ABCD2: variants seen among roughly 807,000 people sequenced by gnomAD.
ABCD2 encodes ATP binding cassette subfamily D member 2, also known as ATP-binding cassette sub-family D member 2.
In ABCD2, 36 loss-of-function variants were observed where a neutral mutation model predicts 70.9. That is an observed-to-expected ratio of 0.51 (90% confidence interval 0.39 to 0.67). The LOEUF (loss-of-function observed/expected upper bound fraction) is 0.67. Among genes scored for constraint, ABCD2 ranks in the 30% least tolerant of loss-of-function variants. ABCD2 has a pLI of 0.00. For synonymous variants in ABCD2, 304 were observed against 306.9 expected (o/e 0.99, Z 0.10); for missense variants, 729 against 890.2 (o/e 0.82, Z 2.30).
At chr12:39,579,867 C>G (rs1438502593) in intron 7 of ABCD2, among the ~76,000 whole-genome samples, 1 of 151,966 alleles carries the variant, frequency 6.6e-6, no homozygotes, top group Non-Finnish European at 1.5e-5. Flanking sequence ...AACCCTGACA[C>G]TTTAAAAACT....
At chr12:39,588,522 T>C (rs1941697803) in intron 6 of ABCD2, among the ~76,000 whole-genome samples, 1 of 152,100 alleles carries the variant, frequency 6.6e-6, no homozygotes, top group Non-Finnish European at 1.5e-5. Flanking sequence ...CACCAGAAGC[T>C]GGAAAAGAGG....
At chr12:39,547,947 A>G (rs1261133403), downstream of ABCD2, among the ~76,000 whole-genome samples, 1 of 152,036 alleles carries the variant, frequency 6.6e-6, no homozygotes, top group African/African-American at 2.4e-5. Flanking sequence ...GTTGTAAAAT[A>G]TATGTATAGA....
chr12:39,593,819 A>G (rs1481767450), intron 6 of ABCD2, among the ~76,000 whole-genome samples: 2 of 152,210 alleles, frequency 1.3e-5, no homozygotes, highest in African/African-American at 4.8e-5. Flanking sequence ...ATTTAAAATT[A>G]AGGGACTATT....
At position 39,617,029 on chromosome 12, in the gene ABCD2, A is replaced by T; in HGVS notation, c.1079T>A (p.Val360Glu). The change falls in exon 2 of 10, where the codon GTG becomes GAG. Residue 360 changes from valine (V) to glutamate (E), a missense_variant. This residue lies in a region of ABCD2 where 195 missense variants were observed against 300.2 expected (regional missense o/e 0.65). Transcript: ENST00000308666. ...AGTTGCAGTGATAATAGGTATAGCC[A>T]CCATAATTAGTCCACTGCTGCTCCA... ...YVWSSSGLIMVAIPIITATGF... is the reference protein window; with the variant it reads ...YVWSSSGLIMEAIPIITATGF... 4 of 1,611,764 alleles carry T rather than the reference A, an allele frequency of 2.5e-6. No individual in the cohort carries two copies. The highest frequency in any genetic ancestry group is 3.4e-6 in the Non-Finnish European group (4 of 1,179,016).
chr12:39,577,207 T>G (rs1941531075), intron 8 of ABCD2, among the ~76,000 whole-genome samples: 1 of 152,106 alleles, frequency 6.6e-6, no homozygotes, highest in Non-Finnish European at 1.5e-5. Flanking sequence ...TAACAGATTT[T>G]TTCTTCTTTT....
chr12:39,589,373 C>T (rs1178068053), intron 6 of ABCD2, among the ~76,000 whole-genome samples: 1 of 145,106 alleles, frequency 6.9e-6, no homozygotes, highest in Non-Finnish European at 1.5e-5. Flanking sequence ...TATAAGGAAG[C>T]TTTGGTCTGG....
At chr12:39,561,115 G>A (rs534700764) in intron 9 of ABCD2, among the ~76,000 whole-genome samples, 3 of 152,098 alleles carry the variant, frequency 2.0e-5, no homozygotes, top group African/African-American at 4.8e-5. Flanking sequence ...TAGTTTCTGG[G>A]CCAGGTGCAG....
At chr12:39,562,060 T>C (rs1272526078) in intron 9 of ABCD2, among the ~76,000 whole-genome samples, 2 of 151,846 alleles carry the variant, frequency 1.3e-5, no homozygotes, top group Non-Finnish European at 2.9e-5. Context: ...TACAAATACA[T>C]AGAAATTAAA....
chr12:39,549,013 A>G (rs1941053620), downstream of ABCD2, among the ~76,000 whole-genome samples: 1 of 151,958 alleles, frequency 6.6e-6, no homozygotes. Context: ...TGCTATGTTT[A>G]TCTGAGTTTT....
chr12:39,551,823 G>A lies in ABCD2; in HGVS notation c.*2089C>T, dbSNP rs1022257198. On this transcript the variant is annotated 3_prime_UTR_variant, in exon 10 of 10. Coordinates refer to ENST00000308666, the MANE Select transcript of ABCD2 (RefSeq NM_005164.4). ...TCAATGTTTCAAAACAAAATTATCA[G>A]GTTGTTTTAAAATTATGTTTTATTT... The A allele has an allele frequency of 4.0e-5, 6 of 151,472 alleles. No homozygotes were observed. The highest frequency in any genetic ancestry group is 7.4e-5 in the Non-Finnish European group (5 of 67,642). The allele number at this position is 151,472 out of a possible 1,614,324, so 9.4% of individuals were successfully genotyped here.
At chr12:39,609,557 T>C (rs1942017327) in intron 2 of ABCD2, among the ~76,000 whole-genome samples, 2 of 152,196 alleles carry the variant, frequency 1.3e-5, no homozygotes, top group African/African-American at 4.8e-5. Flanking sequence ...AGGTTGTTAC[T>C]TTAATCTTTT....
intron 8 of ABCD2, 50 bp from the exon 9 acceptor site, chr12:39,573,891 A>C (rs1385575938): frequency 6.4e-7 from 1 of 1,557,526 alleles, no homozygotes; most frequent in Non-Finnish European, 8.7e-7. Flanking sequence ...ATGAACTATA[A>C]GTTTTTCTTT....
chr12:39,612,293 A>G (rs1942055954), intron 2 of ABCD2, among the ~76,000 whole-genome samples: 1 of 152,194 alleles, frequency 6.6e-6, no homozygotes, highest in Non-Finnish European at 1.5e-5. Flanking sequence ...TAACAGCGCT[A>G]TTACTAATAC....
chr12:39,572,422 G>C (rs989134091), intron 9 of ABCD2, among the ~76,000 whole-genome samples: 7 of 152,108 alleles, frequency 4.6e-5, no homozygotes, highest in Non-Finnish European at 1.5e-5. Flanking sequence ...TCTTCTTCAG[G>C]ATAAAAGTCA....
the ABCD2 span, among the ~76,000 whole-genome samples, chr12:39,543,528 C>G: frequency 6.6e-6 from 1 of 152,120 alleles, no homozygotes; most frequent in African/African-American, 2.4e-5. Flanking sequence ...GGAACACCAG[C>G]AAATTTGGGA....
At chr12:39,558,811 C>T (rs1441560517) in intron 9 of ABCD2, among the ~76,000 whole-genome samples, 3 of 151,806 alleles carry the variant, frequency 2.0e-5, no homozygotes, top group East Asian at 1.9e-4. Flanking sequence ...ACTAATACAG[C>T]GCACTTCAAT....
chr12:39,557,582 G>A (rs773914329), intron 9 of ABCD2, among the ~76,000 whole-genome samples: 12 of 152,132 alleles, frequency 7.9e-5, no homozygotes, highest in South Asian at 4.1e-4. Flanking sequence ...ATGTCTCCAA[G>A]GCATGTAAGT....
rs748759505 is a variant in ABCD2, at chr12:39,586,141, A to G, written c.1792+11T>C. The G allele has an allele frequency of 6.2e-7, 1 of 1,600,160 alleles. No homozygotes were observed. Among genetic ancestry groups the G allele is most frequent in the Admixed American group, 1.7e-5 (1 of 57,828 alleles). Reference sequence around the variant, plus strand: ...AAGTTAAATGCATTAGAAAAGAATGATAGACTTTACCTCCTTCTCTTTGAA... The same window carrying G: ...AAGTTAAATGCATTAGAAAAGAATGGTAGACTTTACCTCCTTCTCTTTGAA... On this transcript the variant is annotated intron_variant, in intron 7 of 9. Transcript: ENST00000308666.
chr12:39,567,047 C>G (rs539980628), intron 9 of ABCD2, among the ~76,000 whole-genome samples: 23 of 152,102 alleles, frequency 1.5e-4, no homozygotes, highest in Non-Finnish European at 2.8e-4. Context: ...TGCTTTACTT[C>G]CAACTATGTG....
Sources: gnomAD v4.1 joint callset for allele counts (sites outside exome capture counted in the v4.1 genomes callset) on GRCh38, gnomAD v4.1.1 for gene constraint, gnomAD v4.1.1 regional missense constraint, MANE v1.5 for transcripts, NCBI Gene and HGNC (gene_info 2026-07-23, HGNC 2026-07-21) for gene names.